The following TECRL variants were observed in gnomAD, a reference collection of about 807,000 sequenced individuals.
The protein encoded by TECRL is trans-2,3-enoyl-CoA reductase like.
TECRL carries 63 observed loss-of-function variants against 52.8 expected under a neutral mutation model. That is an observed-to-expected ratio of 1.19 (90% CI 0.97 to 1.47). The LOEUF (loss-of-function observed/expected upper bound fraction) is 1.47, where lower values mean the gene tolerates loss of function less well. Ranked by LOEUF, TECRL falls within the 40% of genes most tolerant of loss-of-function variation. The pLI is 0.00. For synonymous variants in TECRL, 164 were observed against 141.9 expected, an observed-to-expected ratio of 1.16 and a Z score of -1.10; for missense variants, 482 against 429.6, an observed-to-expected ratio of 1.12 and a Z score of -1.08.
intron 2 of TECRL, among the ~76,000 whole-genome samples, chr4:64,366,902 A>ACT (rs1340803830): frequency 3.0e-4 from 8 of 27,104 alleles, no homozygotes; most frequent in Non-Finnish European, 1.2e-3. Context: ...TGCCTGAAGG[A>ACT]ATATGTCATT....
At chr4:64,286,887 C>CTA (rs765559186) in intron 9 of TECRL, among the ~76,000 whole-genome samples, 12 of 152,100 alleles carry the variant, frequency 7.9e-5, no homozygotes, top group Non-Finnish European at 1.5e-4. Flanking sequence ...CATTGCTAGT[C>CTA]ACCTAGATAA....
intron 2 of TECRL, among the ~76,000 whole-genome samples, chr4:64,374,946 A>C (rs925320348): frequency 9.2e-5 from 14 of 152,118 alleles, no homozygotes; most frequent in Admixed American, 5.3e-4. Context: ...TAAATTAAAA[A>C]CAACTTTGTG....
At chr4:64,394,652 G>A (rs1161167240) in intron 1 of TECRL, among the ~76,000 whole-genome samples, 8 of 152,160 alleles carry the variant, frequency 5.3e-5, no homozygotes, top group Non-Finnish European at 5.9e-5. Flanking sequence ...CTTGAACACA[G>A]AGTGTTTCCA....
chr4:64,314,679 T>C lies in TECRL; in HGVS notation c.520A>G (p.Ser174Gly). 1 of 1,612,988 alleles carries C rather than the reference T, an allele frequency of 6.2e-7. No individual in the cohort carries two copies. The highest frequency in any genetic ancestry group is 8.5e-7 in the Non-Finnish European group (1 of 1,179,370). Residue 174 changes from serine (S) to glycine (G), a missense_variant, in exon 5 of 12, where the codon AGT becomes GGT. By Grantham distance (56) the Ser-to-Gly change is moderately conservative. Transcript: ENST00000381210. ...ACTGGGTGGCGTAATCTTCTAGCAC[T>C]CTCTTTTCCATCATATATACATGGG... ...RIPCIYDGKE[S>G]ARRLRHPVVH...
At chr4:64,336,244 G>T (rs1311452093) in intron 2 of TECRL, among the ~76,000 whole-genome samples, 1 of 152,006 alleles carries the variant, frequency 6.6e-6, no homozygotes, top group Non-Finnish European at 1.5e-5. Context: ...GTCTTGAGAG[G>T]GTGTATGTGT....
chr4:64,284,864 C>T (rs891453393), intron 9 of TECRL, among the ~76,000 whole-genome samples: 16 of 151,928 alleles, frequency 1.1e-4, no homozygotes, highest in Non-Finnish European at 2.4e-4. Context: ...AGTATTGGAA[C>T]GTGAATCAGT....
intron 1 of TECRL, among the ~76,000 whole-genome samples, chr4:64,376,678 G>A (rs188711611): frequency 4.0e-5 from 6 of 151,852 alleles, no homozygotes; most frequent in Admixed American, 2.6e-4. Flanking sequence ...TCCATTAGTT[G>A]TATCAAGGGC....
intron 2 of TECRL, among the ~76,000 whole-genome samples, chr4:64,345,276 C>G (rs962198077): frequency 7.2e-5 from 11 of 151,992 alleles, no homozygotes; most frequent in Non-Finnish European, 2.9e-5. Context: ...GCACTATTCA[C>G]AATAGCAAAG....
At chr4:64,281,190 T>G in intron 10 of TECRL, 104 bp from the exon 11 acceptor site, 2 of 724,032 alleles carry the variant, frequency 2.8e-6, no homozygotes, top group Admixed American at 3.0e-5. Flanking sequence ...ATTAGAAAAC[T>G]TATAGATAGG....
Position 64,388,658 on chromosome 4 carries a change from TA to T in TECRL, c.235-13436del, listed in dbSNP as rs370057402. ...TACTGAATCTTCCTATCCACTAACA[TA>T]AAGTATCTCTCCATATATTTAGTTC... On this transcript the variant is annotated intron_variant, in intron 1 of 11. Coordinates refer to ENST00000381210, the MANE Select transcript of TECRL (RefSeq NM_001010874.5). Among the ~76,000 whole-genome samples, 36 of 152,066 alleles carry T rather than the reference TA, an allele frequency of 2.4e-4. 1 individual carries two copies. The highest frequency in any genetic ancestry group is 8.2e-4 in the African/African-American group (34 of 41,554).
At chr4:64,352,418 T>C (rs1245706972) in intron 2 of TECRL, among the ~76,000 whole-genome samples, 1 of 152,192 alleles carries the variant, frequency 6.6e-6, no homozygotes, top group Non-Finnish European at 1.5e-5. Flanking sequence ...GACAGATACA[T>C]AGATAGAGAT....
At chr4:64,296,697 A>G (rs921696303) in intron 8 of TECRL, among the ~76,000 whole-genome samples, 3 of 151,780 alleles carry the variant, frequency 2.0e-5, no homozygotes, top group Non-Finnish European at 4.4e-5. Context: ...AAGGTTCTTT[A>G]GGTAAAGTAT....
At chr4:64,380,813 T>C (rs1722737639) in intron 1 of TECRL, among the ~76,000 whole-genome samples, 1 of 152,054 alleles carries the variant, frequency 6.6e-6, no homozygotes, top group Non-Finnish European at 1.5e-5. Context: ...AAGTATATTG[T>C]AAGTCAGGAA....
At chr4:64,396,580 A>G (rs916507398) in intron 1 of TECRL, among the ~76,000 whole-genome samples, 1 of 152,088 alleles carries the variant, frequency 6.6e-6, no homozygotes. Flanking sequence ...ATAGTTTACA[A>G]ACACTTTCTT....
intron 2 of TECRL, among the ~76,000 whole-genome samples, chr4:64,339,868 T>C (rs2110070502): frequency 6.6e-6 from 1 of 152,326 alleles, no homozygotes; most frequent in Middle Eastern, 3.4e-3. Context: ...TTCACGATCA[T>C]AAATTCCTCA....
At chr4:64,293,033 T>C (rs1265266977) in intron 8 of TECRL, among the ~76,000 whole-genome samples, 2 of 152,068 alleles carry the variant, frequency 1.3e-5, no homozygotes, top group East Asian at 1.9e-4. Context: ...ATAATCTTTA[T>C]TGAGTAATTT....
chr4:64,398,141 T>C (rs889428650), intron 1 of TECRL, among the ~76,000 whole-genome samples: 10 of 152,216 alleles, frequency 6.6e-5, no homozygotes, highest in African/African-American at 2.2e-4. Context: ...TTATTAAATT[T>C]GTAAATTTGA....
intron 4 of TECRL, among the ~76,000 whole-genome samples, chr4:64,318,129 T>C (rs1361185771): frequency 6.6e-6 from 1 of 152,176 alleles, no homozygotes; most frequent in Non-Finnish European, 1.5e-5. Flanking sequence ...GTCTCAGCTA[T>C]CATTAAAATT....
intron 1 of TECRL, among the ~76,000 whole-genome samples, chr4:64,406,456 GTTAT>G (rs1264738783): frequency 6.6e-6 from 1 of 151,604 alleles, no homozygotes; most frequent in Non-Finnish European, 1.5e-5. Context: ...TTCTTAGCAA[GTTAT>G]CAAAAGGCTC....
Sources: gnomAD v4.1 joint callset for allele counts (sites outside exome capture counted in the v4.1 genomes callset) on GRCh38, gnomAD v4.1.1 for gene constraint, MANE v1.5 for transcripts, NCBI Gene and HGNC (gene_info 2026-07-23, HGNC 2026-07-21) for gene names.